Variants in AMMECR1 observed in about 807,000 individuals in gnomAD.
The protein encoded by AMMECR1 is nuclear protein AMMECR1.
A neutral mutation model predicts 22.5 loss-of-function variants in AMMECR1; 3 were observed. The ratio of observed to expected loss-of-function variants is 0.13; its 90% CI spans 0.06 to 0.35. The LOEUF (loss-of-function observed/expected upper bound fraction) is 0.35, where lower values mean the gene tolerates loss of function less well. Ranked by LOEUF, AMMECR1 falls within the 10% of genes least tolerant of loss-of-function variation. The pLI, the probability that AMMECR1 is intolerant of heterozygous loss-of-function variation, is 1.00. For synonymous variants in AMMECR1, 130 were observed against 116.7 expected (o/e 1.11, Z -0.74); for missense variants, 235 against 278.7 (o/e 0.84, Z 1.12).
At chrX:110,280,140 TC>T (rs913207941) in intron 1 of AMMECR1, among the ~76,000 whole-genome samples, 54 of 111,125 alleles carry the variant, frequency 4.9e-4, no homozygotes, top group Non-Finnish European at 8.7e-4. Flanking sequence ...ACTATTATTA[TC>T]CCCTATTTTA....
At chrX:110,418,162 C>T (rs1364931328) in intron 2 of AMMECR1, among the ~76,000 whole-genome samples, 3 of 112,718 alleles carry the variant, frequency 2.7e-5, no homozygotes, top group Non-Finnish European at 5.6e-5. Flanking sequence ...ATCCGGCATG[C>T]AGGCCGGGGA....
At chrX:110,208,286 AC>A (rs2148165935) in intron 3 of AMMECR1, among the ~76,000 whole-genome samples, 1 of 112,588 alleles carries the variant, frequency 8.9e-6, no homozygotes, top group South Asian at 3.6e-4. Context: ...AGCATGACTA[AC>A]CTTTTAACGT....
At chrX:110,399,295 C>G (rs2068548937) in intron 2 of AMMECR1, among the ~76,000 whole-genome samples, 1 of 112,215 alleles carries the variant, frequency 8.9e-6, no homozygotes, top group African/African-American at 3.2e-5. Context: ...AGCCTAGGCT[C>G]AGTGAATTTT....
At chrX:110,236,466 C>G (rs1602810687) in intron 2 of AMMECR1, among the ~76,000 whole-genome samples, 1 of 111,942 alleles carries the variant, frequency 8.9e-6, no homozygotes, top group African/African-American at 3.2e-5. Context: ...TAGCCTATCT[C>G]TAGAAATCTA....
rs751975498 is a variant in AMMECR1 at position 110,235,926 on chromosome X, C to T, written c.585-19294G>A. On this transcript the variant is annotated intron_variant, in intron 2 of 5. Coordinates refer to ENST00000262844, the MANE Select transcript of AMMECR1 (RefSeq NM_015365.3). ...TATATACCTATGTATCAAACCTGCA[C>T]GTTGTGCAGACGTACCCTAGAACTT... Among the ~76,000 whole-genome samples the T allele has an allele frequency of 7.7e-4, 84 of 109,567 alleles. 2 individuals carry two copies. Among genetic ancestry groups the T allele is most frequent in the Middle Eastern group, 9.5e-3 (2 of 210 alleles).
At chrX:110,280,217 G>A (rs937478170) in intron 1 of AMMECR1, among the ~76,000 whole-genome samples, 1 of 111,317 alleles carries the variant, frequency 9.0e-6, no homozygotes. Context: ...CTGCTAAGTG[G>A]TAGGGCCAAG....
At chrX:110,394,290 G>T (rs746635050) in intron 2 of AMMECR1, among the ~76,000 whole-genome samples, 2 of 111,330 alleles carry the variant, frequency 1.8e-5, no homozygotes, top group African/African-American at 6.5e-5. Context: ...CACTCCTCTC[G>T]CCCAGGCTGG....
At chrX:110,326,147 G>A (rs763370029) in intron 2 of AMMECR1, among the ~76,000 whole-genome samples, 4 of 110,392 alleles carry the variant, frequency 3.6e-5, no homozygotes, top group East Asian at 2.9e-4. Context: ...GCATCACCAC[G>A]CCTGGCTAAT....
intron 2 of AMMECR1, among the ~76,000 whole-genome samples, chrX:110,325,284 C>A (rs1176644599): frequency 8.9e-6 from 1 of 111,951 alleles, no homozygotes; most frequent in Non-Finnish European, 1.9e-5. Flanking sequence ...AAGCATTTGT[C>A]ATTTTTTTGC....
rs762409256 is a variant in AMMECR1 at position 110,286,930 on chromosome X, C to T, written c.474-22331G>A. ...CACAAGGTGCTTCAATACTAAATTACGTTCATAAGTTAATAGTTTCTTGAG... is the reference window on the plus strand; with the variant it reads ...CACAAGGTGCTTCAATACTAAATTATGTTCATAAGTTAATAGTTTCTTGAG... On this transcript the variant is annotated intron_variant, in intron 1 of 5. Coordinates refer to ENST00000262844, the MANE Select transcript of AMMECR1 (RefSeq NM_015365.3). Among the ~76,000 whole-genome samples, 18 of 111,331 alleles carry T rather than the reference C, an allele frequency of 1.6e-4. No individual in the cohort carries two copies. In the South Asian group the frequency reaches 6.8e-3, roughly 42 times the overall value.
chrX:110,286,136 A>C, intron 1 of AMMECR1, among the ~76,000 whole-genome samples: 1 of 112,002 alleles, frequency 8.9e-6, no homozygotes, highest in East Asian at 2.8e-4. Context: ...TTTCCAAGCC[A>C]AAAACTGGCA....
At chrX:110,366,096 T>A (rs753013320) in intron 2 of AMMECR1, among the ~76,000 whole-genome samples, 5 of 111,743 alleles carry the variant, frequency 4.5e-5, no homozygotes, top group Admixed American at 9.5e-5. Flanking sequence ...CCATGCATAT[T>A]GTCTTGGAGA....
At chrX:110,378,745 A>G (rs903964451) in intron 2 of AMMECR1, among the ~76,000 whole-genome samples, 4 of 111,517 alleles carry the variant, frequency 3.6e-5, no homozygotes, top group Non-Finnish European at 5.7e-5. Flanking sequence ...ACATGCCACC[A>G]ATTTCATTTG....
chrX:110,269,098 T>C (rs73250294), intron 1 of AMMECR1, among the ~76,000 whole-genome samples: 18 of 112,016 alleles, frequency 1.6e-4, no homozygotes, highest in Non-Finnish European at 3.0e-4. Context: ...ATCTAGATGA[T>C]GAATCCTCCC....
chrX:110,267,357 G>C (rs1166102638), intron 1 of AMMECR1, among the ~76,000 whole-genome samples: 3 of 107,447 alleles, frequency 2.8e-5, no homozygotes, highest in East Asian at 5.8e-4. Context: ...GTTGTTTCCT[G>C]ACTTTTTAAT....
chrX:110,352,833 A>T (rs2068216168), intron 2 of AMMECR1, among the ~76,000 whole-genome samples: 1 of 112,128 alleles, frequency 8.9e-6, no homozygotes, highest in Admixed American at 9.5e-5. Flanking sequence ...CAGACAGATA[A>T]CTGCCACATA....
intron 2 of AMMECR1, among the ~76,000 whole-genome samples, chrX:110,345,584 A>G (rs974323023): frequency 9.1e-6 from 1 of 110,218 alleles, no homozygotes; most frequent in Non-Finnish European, 1.9e-5. Flanking sequence ...CTGCAGAGGG[A>G]GGGTGTGGAC....
intron 5 of AMMECR1, among the ~76,000 whole-genome samples, chrX:110,199,456 C>T (rs1198805344): frequency 1.8e-5 from 2 of 110,900 alleles, no homozygotes; most frequent in Non-Finnish European, 3.8e-5. Context: ...CAATTTCAAT[C>T]ATATCTAGCC....
At chrX:110,435,938 G>A (rs1298224579) in intron 1 of AMMECR1, among the ~76,000 whole-genome samples, 2 of 112,169 alleles carry the variant, frequency 1.8e-5, no homozygotes, top group Admixed American at 9.4e-5. Flanking sequence ...CATTTCACAG[G>A]CAAAGAGCAA....
Sources: gnomAD v4.1 joint callset for allele counts (sites outside exome capture counted in the v4.1 genomes callset) on GRCh38, gnomAD v4.1.1 for gene constraint, MANE v1.5 for transcripts, NCBI Gene and HGNC (gene_info 2026-07-23, HGNC 2026-07-21) for gene names.